Variants in GPR107 observed in about 807,000 individuals in gnomAD.
GPR107 encodes G protein-coupled receptor 107.
A neutral mutation model predicts 75.5 loss-of-function variants in GPR107; 31 were observed. The ratio of observed to expected loss-of-function variants is 0.41; its 90% CI spans 0.31 to 0.55. GPR107 has a LOEUF of 0.55. GPR107 is among the 20% of genes least tolerant of loss of function. The pLI is 0.26. For missense variants in GPR107, 572 were observed against 665.7 expected, an observed-to-expected ratio of 0.86 and a Z score of 1.55; for synonymous variants, 267 against 251.3, an observed-to-expected ratio of 1.06 and a Z score of -0.59.
At chr9:130,078,786 T>C (rs763821796) in intron 4 of GPR107, among the ~76,000 whole-genome samples, 1 of 152,150 alleles carries the variant, frequency 6.6e-6, no homozygotes, top group Non-Finnish European at 1.5e-5. Flanking sequence ...GAGAAGTGCT[T>C]GAATGTGCCA....
At chr9:130,087,988 G>A (rs475169) in intron 7 of GPR107, among the ~76,000 whole-genome samples, 151,700 of 152,248 alleles carry the variant, frequency 1, 75,581 homozygotes, top group Middle Eastern at 1. Flanking sequence ...CTTTTTCCAT[G>A]GATCATTTTG....
At chr9:130,068,693 C>T (rs751771419) in intron 1 of GPR107, among the ~76,000 whole-genome samples, 3 of 151,178 alleles carry the variant, frequency 2.0e-5, no homozygotes, top group Non-Finnish European at 2.9e-5. Flanking sequence ...ATAAAACAAC[C>T]GTTTTTAAAG....
intron 6 of GPR107, among the ~76,000 whole-genome samples, chr9:130,083,981 A>T (rs1380074669): frequency 2.7e-5 from 4 of 150,066 alleles, no homozygotes; most frequent in Non-Finnish European, 4.4e-5. Context: ...ATCTTATTTT[A>T]AAAAATATTT....
chr9:130,072,763 GA>G (rs796086682), intron 1 of GPR107, among the ~76,000 whole-genome samples: 66 of 146,420 alleles, frequency 4.5e-4, no homozygotes, highest in African/African-American at 1.5e-3. Flanking sequence ...ACATTTTCTG[GA>G]AAAAAAAAAC....
intron 7 of GPR107, among the ~76,000 whole-genome samples, chr9:130,089,622 T>A (rs1342301569): frequency 6.6e-6 from 1 of 152,230 alleles, no homozygotes; most frequent in Non-Finnish European, 1.5e-5. Flanking sequence ...TCAACTATGA[T>A]GATTCTATTG....
chr9:130,106,337 G>A (rs766865432), intron 13 of GPR107, among the ~76,000 whole-genome samples: 1 of 151,966 alleles, frequency 6.6e-6, no homozygotes, highest in Non-Finnish European at 1.5e-5. Flanking sequence ...GGTGGTTCAC[G>A]CCTGTAATCC....
At chr9:130,134,562 T>C (rs782202455) in intron 17 of GPR107, among the ~76,000 whole-genome samples, 5 of 152,256 alleles carry the variant, frequency 3.3e-5, no homozygotes, top group Non-Finnish European at 4.4e-5. Context: ...TCTAAACCTG[T>C]GGTTCTGTCC....
At chr9:130,057,727 A>G (rs1014285428) in intron 1 of GPR107, among the ~76,000 whole-genome samples, 1 of 150,836 alleles carries the variant, frequency 6.6e-6, no homozygotes, top group Non-Finnish European at 1.5e-5. Context: ...TTATTGTCTT[A>G]CTCCATGCTA....
At position 130,112,449 on chromosome 9, in the gene GPR107, G is replaced by T. The variant is rs1030604287; in HGVS notation, c.1306+4910G>T. Among the ~76,000 whole-genome samples, 20 of 152,204 alleles carry T rather than the reference G, an allele frequency of 1.3e-4. No individual in the cohort carries two copies. The highest frequency in any genetic ancestry group is 1.1e-3 in the Admixed American group (17 of 15,276). On this transcript the variant is annotated intron_variant, in intron 14 of 17. Coordinates refer to ENST00000347136, the MANE Select transcript of GPR107 (RefSeq NM_020960.5). The surrounding 1 kb of genome is among the most constrained non-coding windows in gnomAD (Gnocchi z 4.0). ...TGGGTGAAATTGCCGGCACCGTCACGTGATTCCAGGCTGTGGTACCAGAAT... is the reference window on the plus strand; with the variant it reads ...TGGGTGAAATTGCCGGCACCGTCACTTGATTCCAGGCTGTGGTACCAGAAT...
rs924171839 is a variant in GPR107, at chr9:130,069,906, A to G, written c.142-5730A>G. Among the ~76,000 whole-genome samples, 3 of 150,178 alleles carry G rather than the reference A, an allele frequency of 2.0e-5. No homozygotes were observed. In the South Asian group the frequency reaches 6.3e-4, roughly 32 times the overall value. Reference sequence around the variant, plus strand: ...TCATCATGTTGGCCAGGCTGGTCTCAAACTGACCTAAGGGTATCTGCCCAC... The same window carrying G: ...TCATCATGTTGGCCAGGCTGGTCTCGAACTGACCTAAGGGTATCTGCCCAC... On this transcript the variant is annotated intron_variant, in intron 1 of 17. Coordinates refer to ENST00000347136, the MANE Select transcript of GPR107 (RefSeq NM_020960.5).
At chr9:130,127,707 T>A (rs1831721272) in intron 16 of GPR107, 141 bp downstream of exon 16, 2 of 595,574 alleles carry the variant, frequency 3.4e-6, no homozygotes, top group Non-Finnish European at 5.9e-6. Flanking sequence ...CTAAAAATTT[T>A]TTTTTTAGTT....
intron 14 of GPR107, among the ~76,000 whole-genome samples, chr9:130,111,492 A>G (rs1831301619): frequency 1.3e-5 from 2 of 152,122 alleles, no homozygotes; most frequent in South Asian, 2.1e-4. Context: ...AGATTGTACC[A>G]CTGTACTCCA....
intron 14 of GPR107, among the ~76,000 whole-genome samples, chr9:130,114,262 G>A (rs960093495): frequency 6.6e-6 from 1 of 151,882 alleles, no homozygotes; most frequent in Non-Finnish European, 1.5e-5. Flanking sequence ...CCAGCTACTC[G>A]AGAAGCTGAG....
chr9:130,085,178 A>C lies in GPR107; in HGVS notation c.565-1242A>C, dbSNP rs143345309. ...GTGACGTGAAGGGTAGCCTTGGAGA[A>C]GGAGAAAGGGTTGTTAGAAGGACCA... On this transcript the variant is annotated intron_variant, in intron 6 of 17. Coordinates refer to ENST00000347136, the MANE Select transcript of GPR107 (RefSeq NM_020960.5). Among the ~76,000 whole-genome samples, 794 of 152,282 alleles carry C rather than the reference A, an allele frequency of 5.2e-3. 7 individuals are homozygous for C. Among genetic ancestry groups the C allele is most frequent in the African/African-American group, 0.018 (759 of 41,558 alleles).
At chr9:130,124,176 A>T (rs933976050) in intron 14 of GPR107, among the ~76,000 whole-genome samples, 1 of 152,232 alleles carries the variant, frequency 6.6e-6, no homozygotes, top group African/African-American at 2.4e-5. Flanking sequence ...CTTAAACTGA[A>T]TCAGTAATTG....
intron 15 of GPR107, 120 bp from the exon 16 acceptor site, chr9:130,127,363 A>T (rs887586883): frequency 1.5e-6 from 1 of 669,176 alleles, no homozygotes; most frequent in Admixed American, 2.2e-5. Context: ...TAAGTGTCAC[A>T]TACTTTTCTT....
intron 17 of GPR107, among the ~76,000 whole-genome samples, chr9:130,131,545 G>A (rs967219341): frequency 2.6e-5 from 4 of 152,044 alleles, no homozygotes; most frequent in Admixed American, 2.6e-4. Flanking sequence ...CAAGCCCAGG[G>A]TTGCCCCTGC....
chr9:130,108,358 CAA>C, intron 14 of GPR107, among the ~76,000 whole-genome samples: 1 of 152,170 alleles, frequency 6.6e-6, no homozygotes, highest in East Asian at 1.9e-4. Context: ...ATTATAAAGC[CAA>C]TGTAGATTCA....
intron 9 of GPR107, among the ~76,000 whole-genome samples, chr9:130,097,628 G>A (rs992897564): frequency 3.3e-5 from 5 of 151,328 alleles, no homozygotes; most frequent in South Asian, 2.1e-4. Flanking sequence ...TTTATTTTGC[G>A]TTTCTCTGAA....
Sources: gnomAD v4.1 joint callset for allele counts (sites outside exome capture counted in the v4.1 genomes callset) on GRCh38, gnomAD v4.1.1 for gene constraint, Gnocchi (gnomAD v3.1) non-coding constraint, MANE v1.5 for transcripts, NCBI Gene and HGNC (gene_info 2026-07-23, HGNC 2026-07-21) for gene names.